RANBP9: variants seen among roughly 807,000 people sequenced by gnomAD.
RANBP9 encodes RAN binding protein 9, also known as ran-binding protein 9.
Under a neutral mutation model 84.3 loss-of-function variants are expected in RANBP9, and 15 were observed. The ratio of observed to expected loss-of-function variants is 0.18; its 90% CI spans 0.12 to 0.27. The LOEUF (loss-of-function observed/expected upper bound fraction) is 0.27. Ranked by LOEUF, RANBP9 falls within the 10% of genes least tolerant of loss-of-function variation. The pLI, the probability that RANBP9 is intolerant of heterozygous loss-of-function variation, is 1.00. For missense variants in RANBP9, 809 were observed against 912.8 expected (o/e 0.89, Z 1.46); for synonymous variants, 392 against 349.6 (o/e 1.12, Z -1.35).
intron 1 of RANBP9, among the ~76,000 whole-genome samples, chr6:13,703,655 C>T (rs1035087398): frequency 1.3e-5 from 2 of 152,174 alleles, no homozygotes; most frequent in Non-Finnish European, 2.9e-5. Flanking sequence ...TCTGTTAAGT[C>T]TCTCAGGAAT....
intron 2 of RANBP9, among the ~76,000 whole-genome samples, chr6:13,678,868 T>A (rs565554709): frequency 5.9e-5 from 9 of 152,144 alleles, no homozygotes; most frequent in Non-Finnish European, 1.2e-4. Context: ...ATCCAACACC[T>A]ACATTCTTAG....
At chr6:13,630,733 A>C (rs1051936179) in intron 12 of RANBP9, among the ~76,000 whole-genome samples, 9 of 152,182 alleles carry the variant, frequency 5.9e-5, no homozygotes, top group African/African-American at 2.2e-4. Flanking sequence ...GTGATACCAC[A>C]ACAGACTAAA....
At chr6:13,705,276 C>A (rs1168709571) in intron 1 of RANBP9, among the ~76,000 whole-genome samples, 1 of 151,448 alleles carries the variant, frequency 6.6e-6, no homozygotes, top group African/African-American at 2.4e-5. Flanking sequence ...TGGTGGCAGG[C>A]GCTTGTAATC....
intron 2 of RANBP9, among the ~76,000 whole-genome samples, chr6:13,690,250 C>T (rs549880001): frequency 6.6e-6 from 1 of 152,274 alleles, no homozygotes; most frequent in African/African-American, 2.4e-5. Flanking sequence ...TTCTTATCCC[C>T]ACTCAGCTGC....
chr6:13,637,299 G>A (rs1271409352), intron 10 of RANBP9, among the ~76,000 whole-genome samples: 1 of 152,116 alleles, frequency 6.6e-6, no homozygotes, highest in Non-Finnish European at 1.5e-5. Context: ...TCTGCTATAT[G>A]CAAGCTACTT....
In RANBP9 at chr6:13,642,739, A is replaced by C. The variant is rs1765095836; in HGVS notation, c.1113-148T>G. The stretch of plus-strand genomic sequence containing the variant: ...CGTTAAGAACCTCACCTTTAAAGTA[A>C]GCTTTTGAAAAACATCATTTTGTTC... On this transcript the variant is annotated intron_variant, in intron 6 of 13. Transcript: ENST00000011619. The C allele has an allele frequency of 1.5e-5, 7 of 465,730 alleles. No homozygotes were observed. In the East Asian group the frequency reaches 2.5e-4, roughly 17 times the overall value. The allele number at this position is 465,730 out of a possible 1,614,324, so 28.8% of individuals were successfully genotyped here. A position where few individuals can be genotyped will look rare whatever the true frequency, so the allele number is the denominator to read the frequency against.
At chr6:13,651,613 G>A (rs1015811464) in intron 5 of RANBP9, among the ~76,000 whole-genome samples, 3 of 151,722 alleles carry the variant, frequency 2.0e-5, no homozygotes, top group Non-Finnish European at 4.4e-5. Context: ...TGTTGGCCAG[G>A]ATGGTCTCGA....
At chr6:13,653,360 T>C (rs1449508357) in intron 4 of RANBP9, among the ~76,000 whole-genome samples, 1 of 152,158 alleles carries the variant, frequency 6.6e-6, no homozygotes, top group Non-Finnish European at 1.5e-5. Context: ...AAGTCTACTG[T>C]CAACTCAACG....
chr6:13,655,695 T>C (rs1765382332), intron 4 of RANBP9, among the ~76,000 whole-genome samples: 1 of 152,196 alleles, frequency 6.6e-6, no homozygotes, highest in South Asian at 2.1e-4. Flanking sequence ...AAAAAGTTTA[T>C]GTTAAAGAGA....
Position 13,639,781 on chromosome 6 carries a change from G to C in RANBP9, c.1335-28C>G. The C allele has an allele frequency of 1.9e-6, 3 of 1,552,324 alleles. No individual in the cohort carries two copies. The South Asian group carries it at 3.5e-5, about 18-fold the overall frequency. On this transcript the variant is annotated intron_variant, in intron 8 of 13. Coordinates refer to ENST00000011619, the MANE Select transcript of RANBP9 (RefSeq NM_005493.3). ...AAAGGAGAAAAGAAAAATTTACTTA[G>C]ACACAATCTTCAAATGGCCTTTTAT...
intron 2 of RANBP9, among the ~76,000 whole-genome samples, chr6:13,661,220 A>G (rs994874058): frequency 1.1e-4 from 17 of 152,182 alleles, no homozygotes; most frequent in African/African-American, 4.1e-4. Flanking sequence ...CAGGATCTAA[A>G]CCAGTTAGTT....
chr6:13,629,917 C>CGTG lies in RANBP9; in HGVS notation c.1947+2452_1947+2453insCAC, dbSNP rs1190209601. On this transcript the variant is annotated intron_variant, in intron 12 of 13. Coordinates refer to ENST00000011619, the MANE Select transcript of RANBP9 (RefSeq NM_005493.3). ...TCTGTCTCTCTCTCTCTCTCTCTCT[C>CGTG]TCTCGTGTGTGTGTGTGTGTGTGTG... Among the ~76,000 whole-genome samples, 71 of 124,544 alleles carry CGTG rather than the reference C, an allele frequency of 5.7e-4. 1 individual carries two copies. Among genetic ancestry groups the CGTG allele is most frequent in the African/African-American group, 1.8e-3 (61 of 33,032 alleles). 81.7% of individuals were successfully genotyped at this position (124,544 alleles called of 152,430 possible).
intron 1 of RANBP9, among the ~76,000 whole-genome samples, chr6:13,708,579 A>C (rs1758188614): frequency 6.6e-6 from 1 of 152,246 alleles, no homozygotes; most frequent in Non-Finnish European, 1.5e-5. Context: ...TAATACGTGA[A>C]TATATGAATA....
chr6:13,683,021 G>C (rs777964248), intron 2 of RANBP9, among the ~76,000 whole-genome samples: 1 of 152,090 alleles, frequency 6.6e-6, no homozygotes, highest in East Asian at 1.9e-4. Context: ...GTAAATGTTG[G>C]GGAGGAAAAC....
chr6:13,693,869 C>A (rs904722605), intron 2 of RANBP9, among the ~76,000 whole-genome samples: 1 of 152,004 alleles, frequency 6.6e-6, no homozygotes, highest in African/African-American at 2.4e-5. Context: ...ATTGTGAAAC[C>A]CTGTCTCTAC....
intron 1 of RANBP9, among the ~76,000 whole-genome samples, chr6:13,708,816 A>AAC (rs1213556622): frequency 9.3e-5 from 13 of 139,098 alleles, no homozygotes; most frequent in Non-Finnish European, 1.6e-4. Flanking sequence ...AACAACGGAA[A>AAC]ACTCACACAC....
At chr6:13,709,172 C>CT (rs1226913383) in intron 1 of RANBP9, among the ~76,000 whole-genome samples, 2 of 152,124 alleles carry the variant, frequency 1.3e-5, no homozygotes, top group Non-Finnish European at 2.9e-5. Context: ...ATGTAAAAGA[C>CT]TAAAACTAAT....
At chr6:13,665,130 T>G (rs1252412817) in intron 2 of RANBP9, among the ~76,000 whole-genome samples, 1 of 152,140 alleles carries the variant, frequency 6.6e-6, no homozygotes, top group Non-Finnish European at 1.5e-5. Flanking sequence ...ATCACAGTCC[T>G]AAATATAAAT....
rs1041243336 is a variant in RANBP9 at position 13,622,030 on chromosome 6, C to T, written c.*332G>A. The T allele has an allele frequency of 1.2e-5, 2 of 163,430 alleles. No individual in the cohort carries two copies. Among genetic ancestry groups the T allele is most frequent in the African/African-American group, 4.8e-5 (2 of 41,824 alleles). The allele number at this position is 163,430 out of a possible 1,614,324, so 10.1% of individuals were successfully genotyped here. ...AAACACAACTTGTTCCATTTCCTTC[C>T]CCTCTCTCCCCCCTCCCCCACAAAG... is the stretch of plus-strand genomic sequence containing the variant. On this transcript the variant is annotated 3_prime_UTR_variant, in exon 14 of 14. Transcript: ENST00000011619.
Sources: gnomAD v4.1 joint callset for allele counts (sites outside exome capture counted in the v4.1 genomes callset) on GRCh38, gnomAD v4.1.1 for gene constraint, MANE v1.5 for transcripts, NCBI Gene and HGNC (gene_info 2026-07-23, HGNC 2026-07-21) for gene names.